MS4A4E: variants seen among roughly 807,000 people sequenced by gnomAD.
MS4A4E encodes putative membrane-spanning 4-domains subfamily A member 4E.
A neutral mutation model predicts 13.3 loss-of-function variants in MS4A4E; 23 were observed. The observed-to-expected ratio is 1.73, with a 90% CI of 1.25 to 2.45. The LOEUF (loss-of-function observed/expected upper bound fraction) is 2.45. Ranked by LOEUF, MS4A4E falls within the 30% of genes most tolerant of loss-of-function variation. The probability of loss-of-function intolerance (pLI) is 0.00; values close to 1 mark genes in which losing one functional copy is unlikely to be tolerated. For missense variants in MS4A4E, 144 were observed against 131.2 expected (o/e 1.10, Z -0.48); for synonymous variants, 36 against 45.6 (o/e 0.79, Z 0.85).
intron 1 of MS4A4E, among the ~76,000 whole-genome samples, chr11:60,238,018 T>C (rs909760359): frequency 6.6e-6 from 1 of 152,004 alleles, no homozygotes; most frequent in Non-Finnish European, 1.5e-5. Flanking sequence ...TTTATATTCT[T>C]GAGATTAATC....
chr11:60,236,679 G>T (rs1325166778), intron 1 of MS4A4E, among the ~76,000 whole-genome samples: 1 of 150,634 alleles, frequency 6.6e-6, no homozygotes, highest in African/African-American at 2.4e-5. Flanking sequence ...GTGCAGGTTG[G>T]TCATACAGGT....
At chr11:60,242,859 C>T (rs1157994013) in intron 1 of MS4A4E, 99 bp downstream of exon 1, 21 of 848,892 alleles carry the variant, frequency 2.5e-5, no homozygotes, top group Non-Finnish European at 3.8e-5. Flanking sequence ...GGGAAGTGAC[C>T]TCATTTTTTT....
intron 4 of MS4A4E, among the ~76,000 whole-genome samples, chr11:60,214,357 T>A (rs1164795756): frequency 6.6e-6 from 1 of 152,206 alleles, no homozygotes; most frequent in Non-Finnish European, 1.5e-5. Flanking sequence ...TCATAAAGAT[T>A]CCCTCATCAA....
chr11:60,210,968 G>A (rs528972715), intron 5 of MS4A4E, among the ~76,000 whole-genome samples: 1 of 152,334 alleles, frequency 6.6e-6, no homozygotes, highest in South Asian at 2.1e-4. Flanking sequence ...TTTCAAGATA[G>A]CAACAGCAGA....
chr11:60,215,128 ACT>A (rs1317886520), intron 3 of MS4A4E, among the ~76,000 whole-genome samples: 1 of 151,934 alleles, frequency 6.6e-6, no homozygotes, highest in Non-Finnish European at 1.5e-5. Context: ...AGTTGGTTGG[ACT>A]CTCTACCTTA....
chr11:60,221,620 C>T (rs371753302), intron 3 of MS4A4E, among the ~76,000 whole-genome samples: 1 of 152,160 alleles, frequency 6.6e-6, no homozygotes, highest in Non-Finnish European at 1.5e-5. Context: ...GAGCACTGCA[C>T]CTCATTGTGC....
intron 5 of MS4A4E, among the ~76,000 whole-genome samples, chr11:60,211,336 T>A (rs964904931): frequency 3.9e-5 from 6 of 152,230 alleles, no homozygotes; most frequent in Admixed American, 6.5e-5. Context: ...AAGCATTAGA[T>A]ATCTCAAGGG....
chr11:60,218,997 G>T (rs1171301680), intron 3 of MS4A4E, among the ~76,000 whole-genome samples: 1 of 152,174 alleles, frequency 6.6e-6, no homozygotes, highest in Non-Finnish European at 1.5e-5. Flanking sequence ...CTGAAATATG[G>T]ATTAAAAGAT....
At position 60,202,811 on chromosome 11, in the gene MS4A4E, G is replaced by A. The variant is rs117009489; in HGVS notation, c.660-932C>T. Among the ~76,000 whole-genome samples the A allele has an allele frequency of 9.3e-4, 142 of 152,206 alleles. 1 individual carries two copies. The highest frequency in any genetic ancestry group is 1.4e-3 in the Non-Finnish European group (97 of 68,014). Reference sequence around the variant, plus strand: ...AGATCCACTACTTTATCCCAATTGCGTATTACTATTGACAGTGGAAAACTG... The same window carrying A: ...AGATCCACTACTTTATCCCAATTGCATATTACTATTGACAGTGGAAAACTG... On this transcript the variant is annotated intron_variant, in intron 8 of 8. Coordinates refer to ENST00000651255, the MANE Select transcript of MS4A4E (RefSeq NM_001393391.1).
In MS4A4E at chr11:60,229,934, T is replaced by C. The variant is rs2084386874; in HGVS notation, c.122A>G (p.Lys41Arg). 2 of 1,610,206 alleles carry C rather than the reference T, an allele frequency of 1.2e-6. No individual in the cohort carries two copies. The highest frequency in any genetic ancestry group is 1.7e-5 in the Admixed American group (1 of 59,268). The change falls in exon 2 of 9, where the codon AAG becomes AGG. Residue 41 changes from lysine (K) to arginine (R), a missense_variant. This residue lies in a region of MS4A4E where 119 missense variants were observed against 88.7 expected (regional missense o/e 1.34). Coordinates refer to ENST00000651255, the MANE Select transcript of MS4A4E (RefSeq NM_001393391.1). ...LCKGLQEKFF[K>R]RKPKVLGVLC... ...TACCCCAAGGACTTTGGGTTTCCTC[T>C]TGAAGAACTTCTCTTGCAATCCTTT...
intron 1 of MS4A4E, among the ~76,000 whole-genome samples, chr11:60,233,276 T>A (rs1419036012): frequency 6.6e-6 from 1 of 152,162 alleles, no homozygotes; most frequent in East Asian, 1.9e-4. Context: ...GGGTTGGAAT[T>A]GCTGCTATGC....
At position 60,208,649 on chromosome 11, in the gene MS4A4E, T is replaced by A. The variant is rs2084079596; in HGVS notation, c.427A>T (p.Ile143Phe). ...CCAAAGGCAGAGAGGGCCACAGCAA[T>A]GCAGAATTCCAGCACACTTAAGAGG... ...VLLLSVLEFC[I>F]AVALSAFGCK... The change falls in exon 6 of 9, where the codon ATT (isoleucine) becomes TTT (phenylalanine). Residue 143 changes from isoleucine (I) to phenylalanine (F), a missense_variant. Physicochemically the swap from Ile to Phe is conservative, Grantham distance 21 (BLOSUM62 0). Coordinates refer to ENST00000651255, the MANE Select transcript of MS4A4E (RefSeq NM_001393391.1). 6.1e-6 allele frequency: 9 copies of A among 1,481,776 alleles called. No individual in the cohort carries two copies. Among genetic ancestry groups the A allele is most frequent in the Non-Finnish European group, 7.5e-6 (8 of 1,067,738 alleles). The allele number at this position is 1,481,776 out of a possible 1,614,324, so 91.8% of individuals were successfully genotyped here. A position where few individuals can be genotyped will look rare whatever the true frequency, so the allele number is the denominator to read the frequency against.
chr11:60,218,790 C>T (rs188148331), intron 3 of MS4A4E, among the ~76,000 whole-genome samples: 2 of 152,212 alleles, frequency 1.3e-5, no homozygotes, highest in East Asian at 3.9e-4. Context: ...AAAAGAACTG[C>T]TTGAGTTTTC....
chr11:60,202,109 T>C (rs1043172355), intron 8 of MS4A4E, among the ~76,000 whole-genome samples: 4 of 152,214 alleles, frequency 2.6e-5, no homozygotes, highest in African/African-American at 9.6e-5. Flanking sequence ...AAGGCAATTC[T>C]TGGCCTAACT....
rs1044342653 is a variant in MS4A4E, at chr11:60,219,734, A to G, written c.179-5120T>C. 2.6e-5 allele frequency among the ~76,000 whole-genome samples: 4 copies of G among 152,172 alleles called. No homozygotes were observed. In the South Asian group the frequency reaches 8.3e-4, roughly 32 times the overall value. Reference sequence around the variant, plus strand: ...GAGACCTCTGGCCTTTTACCAGGTAACTGGATTGGGGAAAGAAAGAAAAAA... The same window carrying G: ...GAGACCTCTGGCCTTTTACCAGGTAGCTGGATTGGGGAAAGAAAGAAAAAA... On this transcript the variant is annotated intron_variant, in intron 3 of 8. Transcript: ENST00000651255.
intron 1 of MS4A4E, among the ~76,000 whole-genome samples, chr11:60,239,145 C>T (rs1263315060): frequency 6.6e-6 from 1 of 152,164 alleles, no homozygotes; most frequent in Non-Finnish European, 1.5e-5. Context: ...CAAACGAGTT[C>T]TGGAATTAAA....
At chr11:60,211,109 C>T (rs1453638463) in intron 5 of MS4A4E, among the ~76,000 whole-genome samples, 1 of 152,146 alleles carries the variant, frequency 6.6e-6, no homozygotes, top group Non-Finnish European at 1.5e-5. Flanking sequence ...CCATTAAAGT[C>T]TATGAATGAA....
chr11:60,206,196 G>A (rs1310027870), intron 6 of MS4A4E, among the ~76,000 whole-genome samples: 1 of 152,032 alleles, frequency 6.6e-6, no homozygotes, highest in Non-Finnish European at 1.5e-5. Context: ...AAGTAAGTGA[G>A]AGGAATGTTA....
chr11:60,232,320 CA>C (rs1301060013), intron 1 of MS4A4E, among the ~76,000 whole-genome samples: 9 of 150,454 alleles, frequency 6.0e-5, no homozygotes, highest in Admixed American at 1.3e-4. Context: ...CACACACACA[CA>C]CCAAAAATGA....
Sources: allele counts gnomAD v4.1 joint callset (sites outside exome capture counted in the v4.1 genomes callset), GRCh38; gene constraint gnomAD v4.1.1; regional missense constraint gnomAD v4.1.1; transcripts MANE v1.5; gene names NCBI Gene and HGNC (gene_info 2026-07-23, HGNC 2026-07-21).